Variants in LYPD6B observed in about 807,000 individuals in gnomAD.
LYPD6B encodes the protein ly6/PLAUR domain-containing protein 6B.
Under a neutral mutation model 22.8 loss-of-function variants are expected in LYPD6B, and 17 were observed. The observed-to-expected ratio is 0.75, with a 90% CI of 0.51 to 1.12. The LOEUF is 1.12. Among genes scored for constraint, LYPD6B ranks in the 50% most tolerant of loss-of-function variants. The pLI is 0.00. For missense variants in LYPD6B, 221 were observed against 258.3 expected, an observed-to-expected ratio of 0.86 and a Z score of 0.99; for synonymous variants, 106 against 91.6, an observed-to-expected ratio of 1.16 and a Z score of -0.90.
chr2:149,165,929 C>G (rs1446912725), intron 3 of LYPD6B, among the ~76,000 whole-genome samples: 2 of 152,152 alleles, frequency 1.3e-5, no homozygotes. Flanking sequence ...AAAAATGGTT[C>G]TGTCACATTA....
intron 1 of LYPD6B, among the ~76,000 whole-genome samples, chr2:149,060,606 G>A (rs1684032414): frequency 6.6e-6 from 1 of 152,168 alleles, no homozygotes; most frequent in Non-Finnish European, 1.5e-5. Flanking sequence ...GGCTGGACAT[G>A]CAGTTTGGGA....
At chr2:149,189,388 G>C (rs1405119775) in intron 3 of LYPD6B, among the ~76,000 whole-genome samples, 1 of 58,970 alleles carries the variant, frequency 1.7e-5, no homozygotes, top group East Asian at 5.2e-4. Flanking sequence ...ATGTATATAT[G>C]TATATATCAT....
intron 3 of LYPD6B, among the ~76,000 whole-genome samples, chr2:149,204,122 C>A (rs1693350726): frequency 6.6e-6 from 1 of 152,172 alleles, no homozygotes; most frequent in Non-Finnish European, 1.5e-5. Context: ...ATGATGAGTT[C>A]TTTTATGTAC....
intron 1 of LYPD6B, among the ~76,000 whole-genome samples, chr2:149,124,159 T>C (rs1332141658): frequency 3.3e-5 from 5 of 152,216 alleles, no homozygotes; most frequent in African/African-American, 1.2e-4. Flanking sequence ...GTTGAAAATA[T>C]TAAAGAATGT....
chr2:149,173,596 C>A (rs1217638540), intron 3 of LYPD6B, among the ~76,000 whole-genome samples: 1 of 152,130 alleles, frequency 6.6e-6, no homozygotes, highest in Non-Finnish European at 1.5e-5. Flanking sequence ...AATTTGCTAT[C>A]ATTTCCCTAA....
intron 1 of LYPD6B, among the ~76,000 whole-genome samples, chr2:149,111,750 G>A (rs1019960437): frequency 1.3e-5 from 2 of 152,088 alleles, no homozygotes; most frequent in African/African-American, 4.8e-5. Flanking sequence ...AGACCACATA[G>A]AAAGTAAGTA....
At chr2:149,193,108 TG>T (rs1484339015) in intron 3 of LYPD6B, among the ~76,000 whole-genome samples, 1 of 152,156 alleles carries the variant, frequency 6.6e-6, no homozygotes, top group Non-Finnish European at 1.5e-5. Context: ...TCCCATACAC[TG>T]TGAACAATTA....
chr2:149,082,926 G>C (rs1191227752), intron 1 of LYPD6B, among the ~76,000 whole-genome samples: 1 of 152,184 alleles, frequency 6.6e-6, no homozygotes, highest in Non-Finnish European at 1.5e-5. Context: ...AAGGAATTCA[G>C]GGTGTGGAAC....
chr2:149,048,893 C>T (rs1467287105), intron 1 of LYPD6B, among the ~76,000 whole-genome samples: 1 of 152,096 alleles, frequency 6.6e-6, no homozygotes, highest in Non-Finnish European at 1.5e-5. Context: ...GGTTCTCAGC[C>T]CTTACTTGGG....
intron 5 of LYPD6B, 47 bp from the exon 6 acceptor site, chr2:149,212,945 G>A (rs1205927027): frequency 6.3e-7 from 1 of 1,588,176 alleles, no homozygotes; most frequent in Admixed American, 1.7e-5. Context: ...TATGGATATT[G>A]AAATTACCTT....
At chr2:149,074,982 A>G (rs1684814271) in intron 1 of LYPD6B, among the ~76,000 whole-genome samples, 1 of 152,194 alleles carries the variant, frequency 6.6e-6, no homozygotes, top group Non-Finnish European at 1.5e-5. Flanking sequence ...AATATACAAT[A>G]TAGTGTGCTC....
intron 1 of LYPD6B, among the ~76,000 whole-genome samples, chr2:149,098,884 C>A (rs1185735315): frequency 6.6e-6 from 1 of 151,938 alleles, no homozygotes; most frequent in East Asian, 1.9e-4. Flanking sequence ...ATGCCTTTCC[C>A]ACATATTGAA....
intron 1 of LYPD6B, among the ~76,000 whole-genome samples, chr2:149,111,679 T>C (rs1187404453): frequency 6.6e-6 from 1 of 152,134 alleles, no homozygotes; most frequent in East Asian, 1.9e-4. Flanking sequence ...AAGTCTAGCC[T>C]AGAGACATAA....
chr2:149,090,673 C>A (rs1685609419), intron 1 of LYPD6B, among the ~76,000 whole-genome samples: 1 of 152,004 alleles, frequency 6.6e-6, no homozygotes, highest in Non-Finnish European at 1.5e-5. Flanking sequence ...ACCTCAGACT[C>A]CTAGGGGTGA....
rs114596997 is a variant in LYPD6B at position 149,052,623 on chromosome 2, G to C, written c.-67+13822G>C. On this transcript the variant is annotated intron_variant, in intron 1 of 6. Transcript: ENST00000409642. Reference sequence around the variant, plus strand: ...CCCTATTCCCCACCAACCACAGCTCGGTGGGTGCAGAGGTGTTGCCTGGGC... The same window carrying C: ...CCCTATTCCCCACCAACCACAGCTCCGTGGGTGCAGAGGTGTTGCCTGGGC... Among the ~76,000 whole-genome samples the C allele has an allele frequency of 2.7e-3, 411 of 152,240 alleles. 4 individuals carry two copies. Among genetic ancestry groups the C allele is most frequent in the African/African-American group, 9.5e-3 (395 of 41,534 alleles).
intron 3 of LYPD6B, among the ~76,000 whole-genome samples, chr2:149,171,372 C>A (rs6728364): frequency 0.31 from 47,556 of 151,932 alleles, 9,254 homozygotes; most frequent in East Asian, 0.55. Flanking sequence ...AAACAAATAA[C>A]ATATTTTATT....
intron 2 of LYPD6B, among the ~76,000 whole-genome samples, chr2:149,143,376 C>T (rs1029304769): frequency 4.6e-5 from 7 of 151,572 alleles, no homozygotes; most frequent in Non-Finnish European, 1.0e-4. Context: ...TGGGCAGGGA[C>T]CTTCGGTGAG....
chr2:149,208,537 G>A (rs1693647718), intron 5 of LYPD6B, 125 bp downstream of exon 5: 2 of 710,852 alleles, frequency 2.8e-6, no homozygotes, highest in African/African-American at 1.8e-5. Context: ...AGACTATATT[G>A]AGAGTTCTTG....
chr2:149,094,913 C>T (rs1685833821), intron 1 of LYPD6B, among the ~76,000 whole-genome samples: 1 of 151,700 alleles, frequency 6.6e-6, no homozygotes, highest in African/African-American at 2.4e-5. Flanking sequence ...ATTGTTGTAT[C>T]ATTATTCTGG....
Sources: gnomAD v4.1 joint callset for allele counts (sites outside exome capture counted in the v4.1 genomes callset) on GRCh38, gnomAD v4.1.1 for gene constraint, MANE v1.5 for transcripts, NCBI Gene and HGNC (gene_info 2026-07-23, HGNC 2026-07-21) for gene names.